The following EPHB6 variants were observed in gnomAD, a reference collection of about 807,000 sequenced individuals.
EPHB6 encodes EPH receptor B6.
In EPHB6, 51 loss-of-function variants were observed where a neutral mutation model predicts 107.0. The ratio of observed to expected loss-of-function variants is 0.48; its 90% CI spans 0.38 to 0.60. The LOEUF (loss-of-function observed/expected upper bound fraction) is 0.60, where lower values mean the gene tolerates loss of function less well. Among genes scored for constraint, EPHB6 ranks in the 20% least tolerant of loss-of-function variants. EPHB6 has a pLI of 0.00. For synonymous variants in EPHB6, 553 were observed against 549.0 expected, an observed-to-expected ratio of 1.01 and a Z score of -0.10; for missense variants, 1,141 against 1,355.5, an observed-to-expected ratio of 0.84 and a Z score of 2.48.
Position 142,869,646 on chromosome 7 carries a change from G to C in EPHB6, c.2461-171G>C, listed in dbSNP as rs1794803816. ...TAGTTGCTCCATAAACGTGACTATT[G>C]CTTCTGCTTCTGTGAAATGGAGATG... On this transcript the variant is annotated intron_variant, in intron 16 of 19. Transcript: ENST00000652003. This position sits in a 1 kb window ranked among gnomAD's most constrained non-coding sequence, Gnocchi z 4.5. 3.9e-6 allele frequency: 3 copies of C among 767,182 alleles called. No individual in the cohort carries two copies. Among genetic ancestry groups the C allele is most frequent in the East Asian group, 5.4e-5 (2 of 37,244 alleles). 47.5% of individuals were successfully genotyped at this position (767,182 alleles called of 1,614,324 possible). A position where few individuals can be genotyped will look rare whatever the true frequency, so the allele number is the denominator to read the frequency against.
intron 3 of EPHB6, among the ~76,000 whole-genome samples, 191 bp downstream of exon 3, chr7:142,862,324 G>A (rs752694003): frequency 3.9e-5 from 6 of 152,192 alleles, no homozygotes; most frequent in Non-Finnish European, 8.8e-5. Flanking sequence ...GCCTGTTGCT[G>A]TAGTTTTAAC....
intron 8 of EPHB6, 127 bp from the exon 9 acceptor site, chr7:142,865,833 C>T: frequency 8.8e-7 from 1 of 1,130,078 alleles, no homozygotes; most frequent in Non-Finnish European, 1.3e-6. Flanking sequence ...CTCTGGGCTA[C>T]CCCCACCCCA....
chr7:142,866,817 T>C lies in EPHB6; in HGVS notation c.1588-89T>C. 12 of 1,607,010 alleles carry C rather than the reference T, an allele frequency of 7.5e-6. No individual in the cohort carries two copies. Among genetic ancestry groups the C allele is most frequent in the Non-Finnish European group, 1.0e-5 (12 of 1,174,672 alleles). ...GCACTGGGCATGTGTCTGAGAGCCC[T>C]GTCAACCAGGGAGGGTGGCTGGGGG... On this transcript the variant is annotated intron_variant, in intron 10 of 19. Transcript: ENST00000652003. This position sits in a 1 kb window ranked among gnomAD's most constrained non-coding sequence, Gnocchi z 5.2.
Position 142,863,297 on chromosome 7 carries a change from C to A in EPHB6, c.70C>A (p.Leu24Ile). ...AGMVCSLWVL[L>I]LVSSVLALEE... ...CATGGTGTGTAGCCTATGGGTGCTG[C>A]TCCTGGTGTCTTCAGTTCTGGCTCT... is the stretch of plus-strand genomic sequence containing the variant. Residue 24 changes from leucine (L) to isoleucine (I), a missense_variant, in exon 5 of 20, where the codon CTC becomes ATC. Physicochemically the swap from Leu to Ile is conservative, Grantham distance 5 (BLOSUM62 2). Coordinates refer to ENST00000652003, the MANE Select transcript of EPHB6 (RefSeq NM_004445.6). The A allele has an allele frequency of 6.2e-7, 1 of 1,613,760 alleles. No homozygotes were observed. Among genetic ancestry groups the A allele is most frequent in the Non-Finnish European group, 8.5e-7 (1 of 1,179,928 alleles).
chr7:142,864,388 C>A lies in EPHB6; in HGVS notation c.588C>A (p.Asn196Lys), dbSNP rs375814622. 1.2e-6 allele frequency: 2 copies of A among 1,612,964 alleles called. No homozygotes were observed. The highest frequency in any genetic ancestry group is 2.2e-5 in the East Asian group (1 of 44,888). Residue 196 changes from asparagine (N) to lysine (K), a missense_variant, in exon 7 of 20, where the codon AAC (asparagine) becomes AAA (lysine). By Grantham distance (94) the Asn-to-Lys change is moderately conservative (BLOSUM62 0). Around this residue, in one of 3 missense-constraint regions of EPHB6, gnomAD observed 221 missense variants for 300.5 expected, o/e 0.74. Transcript: ENST00000652003. ...GAGQRAGLQL[N>K]VKERSFGPLT... Reference sequence around the variant, plus strand: ...GGCAGCGGGCTGGACTGCAACTGAACGTCAAAGAGCGGAGCTTTGGGCCTC... The same window carrying A: ...GGCAGCGGGCTGGACTGCAACTGAAAGTCAAAGAGCGGAGCTTTGGGCCTC...
At chr7:142,863,069 G>A in intron 4 of EPHB6, 58 bp from the exon 5 acceptor site, 2 of 639,080 alleles carry the variant, frequency 3.1e-6, no homozygotes, top group South Asian at 1.9e-5. Flanking sequence ...AGCTTGGGCT[G>A]TATATGAAGA....
chr7:142,865,297 C>A (rs533874267), intron 7 of EPHB6, among the ~76,000 whole-genome samples, 178 bp from the exon 8 acceptor site: 1 of 152,346 alleles, frequency 6.6e-6, no homozygotes, highest in South Asian at 2.1e-4. Flanking sequence ...TCTGTCCCAG[C>A]AATTGGCAGA....
Position 142,867,580 on chromosome 7 carries a change from C to G in EPHB6, c.1751-28C>G. 1.3e-6 allele frequency: 2 copies of G among 1,591,272 alleles called. No homozygotes were observed. Among genetic ancestry groups the G allele is most frequent in the Non-Finnish European group, 1.7e-6 (2 of 1,166,218 alleles). On this transcript the variant is annotated intron_variant, in intron 11 of 19. Transcript: ENST00000652003. This position sits in a 1 kb window ranked among gnomAD's most constrained non-coding sequence, Gnocchi z 5.3. ...AAGCACCTGTGAGAGACCTGGCCCA[C>G]CTGTGACCCTGTCGGCTGGTCCCCC...
At chr7:142,859,946 G>A (rs1288859026) in intron 1 of EPHB6, among the ~76,000 whole-genome samples, 1 of 152,076 alleles carries the variant, frequency 6.6e-6, no homozygotes, top group African/African-American at 2.4e-5. Flanking sequence ...TTGTCATTAC[G>A]AGGCATGCTA....
intron 1 of EPHB6, among the ~76,000 whole-genome samples, chr7:142,858,913 T>C (rs565536169): frequency 6.6e-6 from 1 of 152,304 alleles, no homozygotes; most frequent in African/African-American, 2.4e-5. Flanking sequence ...TTAAGTGATA[T>C]ATCTATAAAA....
At chr7:142,864,893 AT>A in intron 7 of EPHB6, 144 bp downstream of exon 7, 1 of 1,063,298 alleles carries the variant, frequency 9.4e-7, no homozygotes, top group Non-Finnish European at 1.4e-6. Context: ...ATTTTCCCTA[AT>A]TTTATTTCTT....
At chr7:142,857,969 A>G (rs1802679860) in intron 1 of EPHB6, among the ~76,000 whole-genome samples, 1 of 152,220 alleles carries the variant, frequency 6.6e-6, no homozygotes, top group South Asian at 2.1e-4. Context: ...ACATTTCTTG[A>G]TATTTTGAAA....
chr7:142,864,101 CAGAGGGCGCA>C lies in EPHB6; in HGVS notation c.302_311del (p.Gln101ProfsTer16). Reference sequence around the variant, plus strand: ...ACACTTTGTGGAGCGGCGCGGGGCCCAGAGGGCGCACATTCGACTCCACTTCTCTGTGCGG... The same window carrying C: ...ACACTTTGTGGAGCGGCGCGGGGCCCCATTCGACTCCACTTCTCTGTGCGG... On this transcript the variant is annotated frameshift_variant, in exon 7 of 20. Coordinates refer to ENST00000652003, the MANE Select transcript of EPHB6 (RefSeq NM_004445.6). LOFTEE classifies it high-confidence loss of function. 6.2e-7 allele frequency: 1 copy of C among 1,614,014 alleles called. No individual in the cohort carries two copies. The highest frequency in any genetic ancestry group is 8.5e-7 in the Non-Finnish European group (1 of 1,180,044).
chr7:142,869,938 G>A lies in EPHB6; in HGVS notation c.2582G>A (p.Arg861Gln), dbSNP rs745882819. 6.2e-6 allele frequency: 10 copies of A among 1,614,164 alleles called. No homozygotes were observed. Among genetic ancestry groups the A allele is most frequent in the Middle Eastern group, 1.6e-4 (1 of 6,062 alleles). Residue 861 changes from arginine to glutamine, a missense_variant, in exon 17 of 20, where the codon CGG becomes CAG. Physicochemically the swap from Arg to Gln is conservative, Grantham distance 43. Transcript: ENST00000652003. The surrounding 1 kb of genome is among the most constrained non-coding windows in gnomAD (Gnocchi z 4.5). ...TGGGAAGTGATGAGTTATGGAGAAC[G>A]GCCTTACTGGGACATGAGTGAGCAG... Reference protein sequence around the residue: ...LMWEVMSYGERPYWDMSEQEV... With the variant: ...LMWEVMSYGEQPYWDMSEQEV...
In EPHB6 at chr7:142,868,631, G is replaced by C; in HGVS notation, c.2178G>C (p.Gln726His). 2 of 1,613,884 alleles carry C rather than the reference G, an allele frequency of 1.2e-6. No individual in the cohort carries two copies. Residue 726 changes from glutamine (Q) to histidine (H), a missense_variant, in exon 15 of 20, where the codon CAG becomes CAC. Coordinates refer to ENST00000652003, the MANE Select transcript of EPHB6 (RefSeq NM_004445.6). The surrounding 1 kb of genome is among the most constrained non-coding windows in gnomAD (Gnocchi z 4.2). The stretch of plus-strand genomic sequence containing the variant: ...TGGGCCGGGCCGCAGTGCTGGGTCA[G>C]TTCCAGCACCCCAACATCCTGCGGC... Reference protein sequence around the residue: ...TFLGRAAVLGQFQHPNILRLE... With the variant: ...TFLGRAAVLGHFQHPNILRLE...
rs61732976 is a variant in EPHB6 at position 142,864,649 on chromosome 7, C to G, written c.849C>G (p.Pro283=). 16 of 1,612,702 alleles carry G rather than the reference C, an allele frequency of 9.9e-6. No individual in the cohort carries two copies. Among genetic ancestry groups the G allele is most frequent in the South Asian group, 4.4e-5 (4 of 91,066 alleles). ...GGGGCCAGGCAGGAGGCAGCCCCCC[C>G]AGGCTGCACTGCAACGGGGAGGGCA... ...GVGGQAGGSP[P]RLHCNGEGKW... The change falls in exon 7 of 20, where the codon CCC becomes CCG. Residue 283 remains proline, a synonymous_variant. Coordinates refer to ENST00000652003, the MANE Select transcript of EPHB6 (RefSeq NM_004445.6).
rs762763176 is a variant in EPHB6 at position 142,868,183 on chromosome 7, G to A, written c.1919-58G>A. On this transcript the variant is annotated intron_variant, in intron 13 of 19. Transcript: ENST00000652003. The surrounding 1 kb of genome is among the most constrained non-coding windows in gnomAD (Gnocchi z 4.2). ...CTGGAGGTAAGTGGGCATGTCTGGG[G>A]TGCGCGGGCAGCCCTGCCTTTCACA... The A allele has an allele frequency of 3.7e-6, 6 of 1,614,066 alleles. No homozygotes were observed. The South Asian group carries it at 4.4e-5, about 12-fold the overall frequency.
rs199602230 is a variant in EPHB6 at position 142,866,356 on chromosome 7, G to A, written c.1462+40G>A. On this transcript the variant is annotated intron_variant, in intron 9 of 19. Transcript: ENST00000652003. The surrounding 1 kb of genome is among the most constrained non-coding windows in gnomAD (Gnocchi z 5.2). Reference sequence around the variant, plus strand: ...TTGGCCTTCAGGATCCCCTGCCTCCGCTCCTTTGAGCCCCCTTCCCTACTC... The same window carrying A: ...TTGGCCTTCAGGATCCCCTGCCTCCACTCCTTTGAGCCCCCTTCCCTACTC... 22 of 1,611,898 alleles carry A rather than the reference G, an allele frequency of 1.4e-5. No individual in the cohort carries two copies. The highest frequency in any genetic ancestry group is 3.3e-5 in the Admixed American group (2 of 60,006).
rs1794706260 is a variant in EPHB6, at chr7:142,868,135, G to A, written c.1918+86G>A. 3 of 1,613,788 alleles carry A rather than the reference G, an allele frequency of 1.9e-6. No individual in the cohort carries two copies. Among genetic ancestry groups the A allele is most frequent in the South Asian group, 1.1e-5 (1 of 91,082 alleles). Reference sequence around the variant, plus strand: ...GCAAGGCTGGATCCCCCCAAGATTGGGGGAGCTCCTTGGCACAACCTTCTG... The same window carrying A: ...GCAAGGCTGGATCCCCCCAAGATTGAGGGAGCTCCTTGGCACAACCTTCTG... On this transcript the variant is annotated intron_variant, in intron 13 of 19. Coordinates refer to ENST00000652003, the MANE Select transcript of EPHB6 (RefSeq NM_004445.6). This position sits in a 1 kb window ranked among gnomAD's most constrained non-coding sequence, Gnocchi z 4.2.
Sources: gnomAD v4.1 joint callset for allele counts (sites outside exome capture counted in the v4.1 genomes callset) on GRCh38, gnomAD v4.1.1 for gene constraint, gnomAD v4.1.1 regional missense constraint, Gnocchi (gnomAD v3.1) non-coding constraint, MANE v1.5 for transcripts, NCBI Gene and HGNC (gene_info 2026-07-23, HGNC 2026-07-21) for gene names.